The following CLSTN2 variants were observed in gnomAD, a reference collection of about 807,000 sequenced individuals.
CLSTN2 encodes calsyntenin-2.
In CLSTN2, 48 loss-of-function variants were observed where a neutral mutation model predicts 101.2. The ratio of observed to expected loss-of-function variants is 0.47; its 90% CI spans 0.38 to 0.60. The LOEUF is 0.60. CLSTN2 is among the 20% of genes least tolerant of loss of function. The pLI is 0.00. For missense variants in CLSTN2, 1,160 were observed against 1,238.2 expected (o/e 0.94, Z 0.95); for synonymous variants, 481 against 463.6 (o/e 1.04, Z -0.48).
chr3:140,214,632 T>C (rs943848739), intron 2 of CLSTN2, among the ~76,000 whole-genome samples: 9 of 152,190 alleles, frequency 5.9e-5, no homozygotes, highest in Non-Finnish European at 1.2e-4. Context: ...CTTCACTACT[T>C]GCAGACTTTC....
intron 1 of CLSTN2, among the ~76,000 whole-genome samples, chr3:139,986,585 T>C (rs1041561681): frequency 1.3e-5 from 2 of 152,218 alleles, no homozygotes; most frequent in Non-Finnish European, 2.9e-5. Flanking sequence ...CTGGTTTCCG[T>C]TCTCCTTCCA....
intron 8 of CLSTN2, among the ~76,000 whole-genome samples, chr3:140,472,953 A>G (rs2108025349): frequency 6.6e-6 from 1 of 152,188 alleles, no homozygotes; most frequent in Non-Finnish European, 1.5e-5. Context: ...TTTCAAAGAG[A>G]GCCTCAAGAC....
chr3:140,539,056 G>A lies in CLSTN2; in HGVS notation c.1507+6570G>A, dbSNP rs1221172719. The stretch of plus-strand genomic sequence containing the variant: ...GCAGTTCTTCCCTATTAGGTCAAGA[G>A]TTTGCAGGGGGCAAGGGCTAGCTGC... On this transcript the variant is annotated intron_variant, in intron 9 of 16. Transcript: ENST00000458420. Among the ~76,000 whole-genome samples, 6 of 152,362 alleles carry A rather than the reference G, an allele frequency of 3.9e-5. No homozygotes were observed. In the East Asian group the frequency reaches 9.6e-4, roughly 24 times the overall value.
chr3:140,152,828 G>A (rs1052909545), intron 1 of CLSTN2, among the ~76,000 whole-genome samples: 4 of 152,154 alleles, frequency 2.6e-5, no homozygotes, highest in African/African-American at 9.7e-5. Flanking sequence ...ATGCTTAGTG[G>A]AGTTAGAGAT....
chr3:140,383,423 G>A (rs1274586348), intron 2 of CLSTN2, among the ~76,000 whole-genome samples: 1 of 152,180 alleles, frequency 6.6e-6, no homozygotes, highest in African/African-American at 2.4e-5. Flanking sequence ...TGAATTCTAA[G>A]CTTATCGTGG....
Position 140,537,140 on chromosome 3 carries a change from T to C in CLSTN2, c.1507+4654T>C, listed in dbSNP as rs527468459. 7.9e-5 allele frequency among the ~76,000 whole-genome samples: 12 copies of C among 152,282 alleles called. No homozygotes were observed. The South Asian group carries it at 2.3e-3, about 29-fold the overall frequency. On this transcript the variant is annotated intron_variant, in intron 9 of 16. Coordinates refer to ENST00000458420, the MANE Select transcript of CLSTN2 (RefSeq NM_022131.3). ...TTTGGGCTTGCAGTTGTGGGGAGTGTTTCAGGTGCTTTTGAGGTTGGCAAG... is the reference window on the plus strand; with the variant it reads ...TTTGGGCTTGCAGTTGTGGGGAGTGCTTCAGGTGCTTTTGAGGTTGGCAAG...
chr3:139,980,105 A>T (rs1228274939), intron 1 of CLSTN2, among the ~76,000 whole-genome samples: 4 of 152,098 alleles, frequency 2.6e-5, no homozygotes, highest in Non-Finnish European at 5.9e-5. Flanking sequence ...CACCTGAATG[A>T]CTGCAGTAGT....
At chr3:140,015,627 A>G (rs1052301953) in intron 1 of CLSTN2, among the ~76,000 whole-genome samples, 3 of 152,236 alleles carry the variant, frequency 2.0e-5, no homozygotes, top group African/African-American at 7.2e-5. Flanking sequence ...GAGGAACATC[A>G]TGGGAGGAAC....
intron 10 of CLSTN2, among the ~76,000 whole-genome samples, chr3:140,549,227 A>T (rs1935662656): frequency 7.3e-6 from 1 of 137,856 alleles, no homozygotes; most frequent in African/African-American, 2.8e-5. Context: ...GGCCCCATAG[A>T]GCAAAAACAC....
At chr3:140,234,707 G>A (rs886759371) in intron 2 of CLSTN2, among the ~76,000 whole-genome samples, 6 of 152,104 alleles carry the variant, frequency 3.9e-5, no homozygotes, top group South Asian at 2.1e-4. Context: ...CAATGCCTAC[G>A]TGAGAAGATC....
chr3:140,381,343 A>T (rs183443619), intron 2 of CLSTN2, among the ~76,000 whole-genome samples: 6 of 152,208 alleles, frequency 3.9e-5, no homozygotes, highest in African/African-American at 1.4e-4. Context: ...ATAAGGTCAC[A>T]TTCTGAAGTT....
chr3:140,280,068 G>A (rs2086830444), intron 2 of CLSTN2, among the ~76,000 whole-genome samples: 1 of 152,206 alleles, frequency 6.6e-6, no homozygotes, highest in African/African-American at 2.4e-5. Context: ...CGGGGCCTGG[G>A]CCAGACAAGA....
intron 1 of CLSTN2, among the ~76,000 whole-genome samples, chr3:140,071,826 G>A (rs2008400740): frequency 1.7e-5 from 2 of 120,086 alleles, no homozygotes; most frequent in Non-Finnish European, 1.6e-5. Context: ...GTGAGACTCC[G>A]TCTAAAAAAT....
At chr3:140,396,557 A>T (rs2088185253) in intron 2 of CLSTN2, among the ~76,000 whole-genome samples, 1 of 152,232 alleles carries the variant, frequency 6.6e-6, no homozygotes, top group African/African-American at 2.4e-5. Context: ...GTTAACTACT[A>T]TTAATACCAT....
chr3:140,175,164 A>G (rs1307919477), intron 1 of CLSTN2, among the ~76,000 whole-genome samples: 1 of 152,200 alleles, frequency 6.6e-6, no homozygotes, highest in Admixed American at 6.5e-5. Context: ...CTATCTCCCA[A>G]TAATTCACAT....
chr3:140,354,065 G>A (rs965761273), intron 2 of CLSTN2, among the ~76,000 whole-genome samples: 1 of 152,206 alleles, frequency 6.6e-6, no homozygotes, highest in Non-Finnish European at 1.5e-5. Flanking sequence ...GGCTTGTTCT[G>A]TAATGGCTCC....
chr3:140,319,880 C>A (rs1398719024), intron 2 of CLSTN2, among the ~76,000 whole-genome samples: 1 of 152,260 alleles, frequency 6.6e-6, no homozygotes, highest in Admixed American at 6.5e-5. Context: ...AACTCAGTCA[C>A]CTCCCCTCAG....
chr3:140,127,755 T>C (rs906597496), intron 1 of CLSTN2, among the ~76,000 whole-genome samples: 7 of 152,090 alleles, frequency 4.6e-5, no homozygotes, highest in African/African-American at 1.7e-4. Context: ...CATGGGGTTG[T>C]TGTGGGCATT....
In CLSTN2 at chr3:140,563,209, G is replaced by C; in HGVS notation, c.2482+6G>C. ...TAGCATCCAGCACAGTTCAGGTAGGGTGCCCAAGAGGAGGGACCCTCAGGA... is the reference window on the plus strand; with the variant it reads ...TAGCATCCAGCACAGTTCAGGTAGGCTGCCCAAGAGGAGGGACCCTCAGGA... On this transcript the variant is annotated splice_donor_region_variant and intron_variant, in intron 15 of 16. Coordinates refer to ENST00000458420, the MANE Select transcript of CLSTN2 (RefSeq NM_022131.3). The C allele has an allele frequency of 6.2e-7, 1 of 1,613,334 alleles. No individual in the cohort carries two copies. The highest frequency in any genetic ancestry group is 8.5e-7 in the Non-Finnish European group (1 of 1,179,588).
Sources: allele counts gnomAD v4.1 joint callset (sites outside exome capture counted in the v4.1 genomes callset), GRCh38; gene constraint gnomAD v4.1.1; transcripts MANE v1.5; gene names NCBI Gene and HGNC (gene_info 2026-07-23, HGNC 2026-07-21).